The following MRPS9 variants were observed in gnomAD, a reference collection of about 807,000 sequenced individuals.
MRPS9 encodes the protein small ribosomal subunit protein uS9m.
A neutral mutation model predicts 59.9 loss-of-function variants in MRPS9; 45 were observed. That is an observed-to-expected ratio of 0.75 (90% CI 0.59 to 0.96). The LOEUF is 0.96. Ranked by LOEUF, MRPS9 falls within the 40% of genes least tolerant of loss-of-function variation. The pLI is 0.00. For missense variants in MRPS9, 473 were observed against 481.1 expected, an observed-to-expected ratio of 0.98 and a Z score of 0.16; for synonymous variants, 171 against 166.8, an observed-to-expected ratio of 1.03 and a Z score of -0.19.
chr2:105,075,948 A>G (rs922860499), intron 4 of MRPS9, among the ~76,000 whole-genome samples: 1 of 152,148 alleles, frequency 6.6e-6, no homozygotes, highest in East Asian at 1.9e-4. Context: ...AGTTATGTGC[A>G]TACTCGCCTG....
intron 4 of MRPS9, 141 bp from the exon 5 acceptor site, chr2:105,079,841 AT>A (rs1680292833): frequency 2.1e-6 from 1 of 471,704 alleles, no homozygotes. Context: ...TAAACTAAAT[AT>A]TAAAATTCTA....
chr2:105,082,443 A>G (rs768174579), intron 5 of MRPS9, among the ~76,000 whole-genome samples: 3 of 152,156 alleles, frequency 2.0e-5, no homozygotes, highest in South Asian at 2.1e-4. Context: ...AAAGTTGACA[A>G]ATCTTTTTAG....
chr2:105,081,933 C>T (rs1301776563), intron 5 of MRPS9, among the ~76,000 whole-genome samples: 4 of 152,192 alleles, frequency 2.6e-5, no homozygotes, highest in South Asian at 4.1e-4. Context: ...ACACATATCA[C>T]GATCATCTGC....
At chr2:105,084,130 A>G (rs116607350) in intron 5 of MRPS9, among the ~76,000 whole-genome samples, 2 of 152,046 alleles carry the variant, frequency 1.3e-5, no homozygotes, top group African/African-American at 4.8e-5. Flanking sequence ...AGGTTTTAGC[A>G]TTGTGTAGAA....
At chr2:105,083,584 C>T (rs747402705) in intron 5 of MRPS9, among the ~76,000 whole-genome samples, 4 of 152,172 alleles carry the variant, frequency 2.6e-5, no homozygotes, top group Non-Finnish European at 5.9e-5. Context: ...GATTATTTGA[C>T]GCTGAAGTGG....
At chr2:105,043,853 T>G (rs1420375971) in intron 1 of MRPS9, among the ~76,000 whole-genome samples, 4 of 151,910 alleles carry the variant, frequency 2.6e-5, no homozygotes, top group Non-Finnish European at 5.9e-5. Context: ...CAGGCTGGTC[T>G]CAAACTCCTG....
At chr2:105,099,575 C>T in intron 10 of MRPS9, 95 bp from the exon 11 acceptor site, 3 of 1,183,948 alleles carry the variant, frequency 2.5e-6, no homozygotes, top group Admixed American at 2.7e-5. Flanking sequence ...AGTTTTTTTT[C>T]TCAGACAACA....
At chr2:105,049,420 T>C in intron 2 of MRPS9, 70 bp downstream of exon 2, 2 of 1,321,430 alleles carry the variant, frequency 1.5e-6, no homozygotes, top group South Asian at 1.3e-5. Context: ...CTTTTCTTCA[T>C]GAGCCCCTTA....
intron 1 of MRPS9, among the ~76,000 whole-genome samples, chr2:105,039,574 G>C (rs540725026): frequency 1.4e-4 from 21 of 152,086 alleles, no homozygotes; most frequent in Admixed American, 2.6e-4. Context: ...TACAAAAAAT[G>C]GTACCATATT....
intron 4 of MRPS9, among the ~76,000 whole-genome samples, chr2:105,074,683 A>G (rs1458453276): frequency 6.6e-6 from 1 of 152,198 alleles, no homozygotes. Flanking sequence ...GTTGAGCCAG[A>G]ATGTAGGGAG....
chr2:105,053,109 T>C (rs1288442135), intron 2 of MRPS9, among the ~76,000 whole-genome samples: 1 of 152,194 alleles, frequency 6.6e-6, no homozygotes, highest in Admixed American at 6.5e-5. Flanking sequence ...ATGTAGCTTA[T>C]TGAAAAAAGC....
chr2:105,070,629 C>T (rs1390977556), intron 2 of MRPS9, among the ~76,000 whole-genome samples: 1 of 152,164 alleles, frequency 6.6e-6, no homozygotes, highest in Non-Finnish European at 1.5e-5. Context: ...TTGTTCTCAG[C>T]TGGGAGGCAG....
At position 105,074,793 on chromosome 2, in the gene MRPS9, C is replaced by T. The variant is rs79121735; in HGVS notation, c.409+3304C>T. On this transcript the variant is annotated intron_variant, in intron 4 of 10. Transcript: ENST00000258455. ...AATAATATAATTGCCACAGTTGTCT[C>T]AATCAGGAGAATAGTGGTTAAACCG... 4.1e-3 allele frequency among the ~76,000 whole-genome samples: 625 copies of T among 152,280 alleles called. 5 individuals carry two copies. Among genetic ancestry groups the T allele is most frequent in the African/African-American group, 0.014 (590 of 41,546 alleles).
At chr2:105,048,979 G>A (rs1303961393) in intron 1 of MRPS9, among the ~76,000 whole-genome samples, 192 bp from the exon 2 acceptor site, 1 of 144,094 alleles carries the variant, frequency 6.9e-6, no homozygotes, top group Non-Finnish European at 1.6e-5. Flanking sequence ...TTGTAAGCAA[G>A]GCTTTGAGTA....
chr2:105,059,159 A>T (rs1372097403), intron 2 of MRPS9, among the ~76,000 whole-genome samples: 1 of 151,640 alleles, frequency 6.6e-6, no homozygotes. Context: ...AGTTTGAAAC[A>T]CCTAACAACT....
chr2:105,042,365 G>A (rs1679516745), intron 1 of MRPS9, among the ~76,000 whole-genome samples: 1 of 152,236 alleles, frequency 6.6e-6, no homozygotes, highest in Admixed American at 6.5e-5. Context: ...CTCAGCTCCT[G>A]CCACATGGGC....
intron 2 of MRPS9, among the ~76,000 whole-genome samples, chr2:105,061,833 G>T (rs550848952): frequency 6.6e-6 from 1 of 152,272 alleles, no homozygotes; most frequent in South Asian, 2.1e-4. Flanking sequence ...TAAGATGGAG[G>T]TCTGTGCTTG....
At chr2:105,064,402 G>T (rs779574830) in intron 2 of MRPS9, among the ~76,000 whole-genome samples, 1 of 151,048 alleles carries the variant, frequency 6.6e-6, no homozygotes, top group Non-Finnish European at 1.5e-5. Context: ...CAGGGAGTGG[G>T]TGGATGCTTC....
chr2:105,086,823 T>C (rs2104465284), intron 5 of MRPS9, among the ~76,000 whole-genome samples: 1 of 152,114 alleles, frequency 6.6e-6, no homozygotes, highest in South Asian at 2.1e-4. Flanking sequence ...GGAGCCACAG[T>C]CTGCCTGTGG....
Sources: allele counts gnomAD v4.1 joint callset (sites outside exome capture counted in the v4.1 genomes callset), GRCh38; gene constraint gnomAD v4.1.1; transcripts MANE v1.5; gene names NCBI Gene and HGNC (gene_info 2026-07-23, HGNC 2026-07-21).